The following HMGXB3 variants were observed in gnomAD, a reference collection of about 807,000 sequenced individuals.
The protein encoded by HMGXB3 is HMG domain-containing protein 3.
A neutral mutation model predicts 121.5 loss-of-function variants in HMGXB3; 45 were observed. That is an observed-to-expected ratio of 0.37 (90% CI 0.29 to 0.47). The LOEUF is 0.47. HMGXB3 is among the 20% of genes least tolerant of loss of function. The probability of loss-of-function intolerance (pLI) is 0.99; values close to 1 mark genes in which losing one functional copy is unlikely to be tolerated. For missense variants in HMGXB3, 1,376 were observed against 1,602.2 expected, an observed-to-expected ratio of 0.86 and a Z score of 2.41; for synonymous variants, 590 against 624.1, an observed-to-expected ratio of 0.95 and a Z score of 0.81.
At chr5:150,028,501 A>ATGTGTGTG (rs1184146545) in intron 9 of HMGXB3, among the ~76,000 whole-genome samples, 1,528 of 96,700 alleles carry the variant, frequency 0.016, 44 homozygotes, top group South Asian at 0.039. Context: ...ATATATATGT[A>ATGTGTGTG]TGTATGTGTG....
rs1037007614 is a variant in HMGXB3, at chr5:150,030,844, G to A, written c.1833+5G>A. 7.1e-6 allele frequency: 11 copies of A among 1,547,102 alleles called. No homozygotes were observed. Among genetic ancestry groups the A allele is most frequent in the Non-Finnish European group, 9.6e-6 (11 of 1,142,636 alleles). ...TACAGCTGCACTGTCACATTGGTAAGTATGCAGCTAGGTGGTGGTGGGTTG... is the reference window on the plus strand; with the variant it reads ...TACAGCTGCACTGTCACATTGGTAAATATGCAGCTAGGTGGTGGTGGGTTG... On this transcript the variant is annotated splice_donor_5th_base_variant and intron_variant, in intron 10 of 19. Transcript: ENST00000502717.
intron 3 of HMGXB3, among the ~76,000 whole-genome samples, chr5:150,009,517 G>A (rs942535996): frequency 5.3e-5 from 8 of 152,086 alleles, no homozygotes; most frequent in African/African-American, 1.9e-4. Flanking sequence ...AAGACCCTTA[G>A]CTTTGTGATC....
At chr5:150,037,153 T>C (rs1477346133) in intron 12 of HMGXB3, among the ~76,000 whole-genome samples, 1 of 152,242 alleles carries the variant, frequency 6.6e-6, no homozygotes, top group Non-Finnish European at 1.5e-5. Context: ...GGATTTAGTT[T>C]ACATCTGGAC....
At chr5:150,041,021 T>C in intron 14 of HMGXB3, 142 bp downstream of exon 14, 1 of 825,760 alleles carries the variant, frequency 1.2e-6, no homozygotes, top group Non-Finnish European at 1.8e-6. Flanking sequence ...CCTAATACAC[T>C]CTTCCTTTTG....
intron 7 of HMGXB3, among the ~76,000 whole-genome samples, chr5:150,025,368 T>C (rs1756203059): frequency 6.6e-6 from 1 of 152,210 alleles, no homozygotes; most frequent in Non-Finnish European, 1.5e-5. Flanking sequence ...TCTCAACTGG[T>C]AACAATTGTG....
chr5:150,024,799 G>A, intron 7 of HMGXB3, 119 bp downstream of exon 7: 2 of 873,786 alleles, frequency 2.3e-6, no homozygotes, highest in South Asian at 1.9e-5. Flanking sequence ...TCCTGTTTTA[G>A]AGATACAGAA....
intron 15 of HMGXB3, among the ~76,000 whole-genome samples, chr5:150,044,383 G>A (rs1386873112): frequency 6.6e-6 from 1 of 152,146 alleles, no homozygotes; most frequent in Non-Finnish European, 1.5e-5. Flanking sequence ...CATTCCCCTA[G>A]GTGTGCCATT....
At position 150,048,546 on chromosome 5, in the gene HMGXB3, T is replaced by C. The variant is rs755266048; in HGVS notation, c.3085-23T>C. The C allele has an allele frequency of 2.7e-6, 4 of 1,499,590 alleles. No individual in the cohort carries two copies. In the South Asian group the frequency reaches 4.8e-5, roughly 18 times the overall value. 92.9% of individuals were successfully genotyped at this position (1,499,590 alleles called of 1,614,324 possible). Reference sequence around the variant, plus strand: ...TCCCTTAGCATTCGCCCTTATGTTTTTAATCTTGTCCTTCTACTCCAGGAC... The same window carrying C: ...TCCCTTAGCATTCGCCCTTATGTTTCTAATCTTGTCCTTCTACTCCAGGAC... On this transcript the variant is annotated intron_variant, in intron 17 of 19. Transcript: ENST00000502717.
intron 19 of HMGXB3, among the ~76,000 whole-genome samples, chr5:150,051,088 AG>A (rs1197370982): frequency 6.6e-6 from 1 of 152,220 alleles, no homozygotes; most frequent in Non-Finnish European, 1.5e-5. Flanking sequence ...TTTTATTAAA[AG>A]GGGAAGCTAA....
In HMGXB3 at chr5:150,026,726, G is replaced by A. The variant is rs867231071; in HGVS notation, c.1481G>A (p.Gly494Glu). Residue 494 changes from glycine (G) to glutamate (E), a missense_variant, in exon 8 of 20, where the codon GGG (glycine) becomes GAG (glutamate). Transcript: ENST00000502717. ...TTCAGAGCTGACCTGCTTACCCCTG[G>A]GTCCAGAGCTCCAGAGCTTAAAGGC... ...KPTGADLLTP[G>E]SRAPELKGRA... The A allele has an allele frequency of 1.0e-5, 16 of 1,550,944 alleles. No homozygotes were observed. The African/African-American group carries it at 1.9e-4, about 19-fold the overall frequency.
intron 6 of HMGXB3, among the ~76,000 whole-genome samples, chr5:150,020,669 C>T (rs1168587104): frequency 6.6e-6 from 1 of 151,722 alleles, no homozygotes; most frequent in African/African-American, 2.4e-5. Context: ...AAGTGATCCT[C>T]CTGCCTCAGC....
intron 2 of HMGXB3, among the ~76,000 whole-genome samples, chr5:150,005,509 G>C (rs1425712475): frequency 6.8e-6 from 1 of 148,050 alleles, no homozygotes; most frequent in Non-Finnish European, 1.5e-5. Flanking sequence ...TGAGGCAAGA[G>C]AATCACTTGA....
Position 150,051,963 on chromosome 5 carries a change from A to G in HMGXB3, c.3650A>G (p.Gln1217Arg). 1.9e-6 allele frequency: 3 copies of G among 1,552,318 alleles called. No homozygotes were observed. In the South Asian group the frequency reaches 3.6e-5, roughly 18 times the overall value. The change falls in exon 20 of 20, where the codon CAG becomes CGG. Residue 1217 changes from glutamine (Q) to arginine (R), a missense_variant. Gln to Arg is a conservative substitution (Grantham distance 43). Transcript: ENST00000502717. ...IVDSKPNGVR[Q>R]RPIAFDNATH... ...GACAGCAAACCAAACGGTGTCCGCC[A>G]GCGGCCCATTGCCTTCGACAATGCC... is the stretch of plus-strand genomic sequence containing the variant.
intron 6 of HMGXB3, among the ~76,000 whole-genome samples, chr5:150,019,050 T>G (rs1175534847): frequency 6.6e-6 from 1 of 151,928 alleles, no homozygotes; most frequent in Non-Finnish European, 1.5e-5. Context: ...CCTCAAACAG[T>G]CTCCTGTCTC....
rs573343251 is a variant in HMGXB3 at position 150,045,634 on chromosome 5, G to A, written c.2899G>A (p.Val967Met). ...CTTCCCACCACTCATGAGAGGAGCT[G>A]TGGTCGTCAACACTGAGAAAGACAA... ...PFFPPLMRGA[V>M]VVNTEKDKNL... Residue 967 changes from valine (V) to methionine (M), a missense_variant, in exon 16 of 20, where the codon GTG becomes ATG. Coordinates refer to ENST00000502717, the MANE Select transcript of HMGXB3 (RefSeq NM_014983.3). 38 of 1,551,810 alleles carry A rather than the reference G, an allele frequency of 2.4e-5. No individual in the cohort carries two copies. The East Asian group carries it at 6.1e-4, about 25-fold the overall frequency.
chr5:150,042,429 C>T (rs901887565), intron 15 of HMGXB3, among the ~76,000 whole-genome samples: 3 of 152,082 alleles, frequency 2.0e-5, no homozygotes, highest in Non-Finnish European at 4.4e-5. Context: ...TTATAGAGGG[C>T]AGTGAGGGGG....
At chr5:150,014,457 G>T (rs560022472) in intron 5 of HMGXB3, among the ~76,000 whole-genome samples, 3 of 152,288 alleles carry the variant, frequency 2.0e-5, no homozygotes, top group South Asian at 4.1e-4. Context: ...ACTTTTAAAC[G>T]ATACTTTCGA....
chr5:150,009,814 T>G (rs139386220), intron 3 of HMGXB3, among the ~76,000 whole-genome samples: 2,093 of 152,258 alleles, frequency 0.014, 168 homozygotes, highest in Admixed American at 0.13. Flanking sequence ...AGACCTCAGG[T>G]TCTAGCTCAC....
At chr5:150,047,548 G>T in intron 16 of HMGXB3, 76 bp from the exon 17 acceptor site, 1 of 1,522,708 alleles carries the variant, frequency 6.6e-7, no homozygotes, top group African/African-American at 1.4e-5. Flanking sequence ...TCCACTGTTT[G>T]CTGTTTTGTG....
Sources: allele counts gnomAD v4.1 joint callset (sites outside exome capture counted in the v4.1 genomes callset), GRCh38; gene constraint gnomAD v4.1.1; transcripts MANE v1.5; gene names NCBI Gene and HGNC (gene_info 2026-07-23, HGNC 2026-07-21).